Variants in CNTNAP4 observed in about 807,000 individuals in gnomAD.
CNTNAP4 encodes the protein contactin associated protein family member 4.
CNTNAP4 carries 98 observed loss-of-function variants against 148.4 expected under a neutral mutation model. That is an observed-to-expected ratio of 0.66 (90% CI 0.56 to 0.78). The LOEUF (loss-of-function observed/expected upper bound fraction) is 0.78. Among genes scored for constraint, CNTNAP4 ranks in the 30% least tolerant of loss-of-function variants. The pLI is 0.00. For missense variants in CNTNAP4, 1,935 were observed against 1,565.6 expected (o/e 1.24, Z -3.98); for synonymous variants, 730 against 565.1 (o/e 1.29, Z -4.14).
At position 76,448,002 on chromosome 16, in the gene CNTNAP4, T is replaced by C. The variant is rs1309923895; in HGVS notation, c.539-10T>C. 1.9e-6 allele frequency: 3 copies of C among 1,599,368 alleles called. No homozygotes were observed. The highest frequency in any genetic ancestry group is 2.6e-6 in the Non-Finnish European group (3 of 1,167,992). On this transcript the variant is annotated splice_polypyrimidine_tract_variant and intron_variant, in intron 4 of 23. Transcript: ENST00000611870. The stretch of plus-strand genomic sequence containing the variant: ...ATCCTTAGAATGCCTTCTACTATCT[T>C]TGTTTCTAGGATCAGAAGTGGTTGA...
chr16:76,309,930 TC>T, intron 1 of CNTNAP4: 1 of 701,670 alleles, frequency 1.4e-6, no homozygotes, highest in Non-Finnish European at 2.6e-6. Context: ...AGTCTCTTTT[TC>T]TTCCCCGTCT....
intron 2 of CNTNAP4, among the ~76,000 whole-genome samples, chr16:76,336,603 A>G (rs1429313065): frequency 6.6e-6 from 1 of 152,216 alleles, no homozygotes; most frequent in East Asian, 1.9e-4. Context: ...GGACTTCATT[A>G]TTTGTTGCTT....
intron 1 of CNTNAP4, among the ~76,000 whole-genome samples, chr16:76,286,470 G>C (rs573007305): frequency 1.3e-5 from 2 of 151,928 alleles, no homozygotes; most frequent in African/African-American, 4.8e-5. Flanking sequence ...ACCCTTTTGC[G>C]ATCTCAAAGA....
At chr16:76,466,100 T>A (rs1219352010) in intron 9 of CNTNAP4, among the ~76,000 whole-genome samples, 2 of 152,162 alleles carry the variant, frequency 1.3e-5, no homozygotes, top group Non-Finnish European at 2.9e-5. Context: ...ATTAAAAAAA[T>A]AATAACCACC....
intron 12 of CNTNAP4, among the ~76,000 whole-genome samples, chr16:76,487,384 C>A (rs1379836167): frequency 6.6e-6 from 1 of 152,190 alleles, no homozygotes; most frequent in African/African-American, 2.4e-5. Flanking sequence ...ATAGAGCTTA[C>A]AGACTGGTAG....
chr16:76,282,010 C>T (rs746632764), intron 1 of CNTNAP4, among the ~76,000 whole-genome samples: 20 of 151,688 alleles, frequency 1.3e-4, no homozygotes, highest in Non-Finnish European at 1.0e-4. Flanking sequence ...TACTCTCTGG[C>T]ACTTTATATA....
At chr16:76,512,500 C>T (rs1405259610) in intron 15 of CNTNAP4, among the ~76,000 whole-genome samples, 1 of 152,080 alleles carries the variant, frequency 6.6e-6, no homozygotes, top group African/African-American at 2.4e-5. Context: ...GGTGTTTGAT[C>T]TAATCAATTA....
intron 8 of CNTNAP4, among the ~76,000 whole-genome samples, chr16:76,457,283 T>G (rs1012713217): frequency 7.0e-4 from 107 of 152,288 alleles, no homozygotes; most frequent in African/African-American, 2.5e-3. Flanking sequence ...TGAAATGAGT[T>G]AAAGGGACAT....
At chr16:76,541,546 G>A (rs2084455571) in intron 21 of CNTNAP4, among the ~76,000 whole-genome samples, 1 of 152,038 alleles carries the variant, frequency 6.6e-6, no homozygotes. Context: ...TTCCTACTCT[G>A]GTATTTGACA....
intron 3 of CNTNAP4, among the ~76,000 whole-genome samples, chr16:76,355,912 G>A (rs1328503267): frequency 2.0e-5 from 3 of 151,240 alleles, no homozygotes. Context: ...GTCTCACTCT[G>A]TCACCCAGGC....
chr16:76,330,002 C>T (rs755720114), intron 2 of CNTNAP4, among the ~76,000 whole-genome samples: 8 of 152,190 alleles, frequency 5.3e-5, no homozygotes, highest in Non-Finnish European at 1.2e-4. Flanking sequence ...GCTGTGCAGA[C>T]ACTTCCCACA....
rs552539222 is a variant in CNTNAP4, at chr16:76,556,379, A to G, written c.3734-2111A>G. 1.1e-4 allele frequency among the ~76,000 whole-genome samples: 16 copies of G among 152,304 alleles called. 1 individual carries two copies. The South Asian group carries it at 3.3e-3, about 32-fold the overall frequency. ...TATTTTTTATTTTTATATTTTTGGTATAACACGTGTGATCAAAGTTTTTCT... is the reference window on the plus strand; with the variant it reads ...TATTTTTTATTTTTATATTTTTGGTGTAACACGTGTGATCAAAGTTTTTCT... On this transcript the variant is annotated intron_variant, in intron 23 of 23. Coordinates refer to ENST00000611870, the MANE Select transcript of CNTNAP4 (RefSeq NM_033401.5).
intron 7 of CNTNAP4, among the ~76,000 whole-genome samples, chr16:76,451,498 T>C (rs1245438363): frequency 1.3e-5 from 2 of 152,136 alleles, no homozygotes; most frequent in Non-Finnish European, 2.9e-5. Flanking sequence ...ATTATGTGAA[T>C]TGGTGGTATT....
chr16:76,481,803 C>A (rs1312837449), intron 12 of CNTNAP4, among the ~76,000 whole-genome samples: 1 of 152,070 alleles, frequency 6.6e-6, no homozygotes, highest in Non-Finnish European at 1.5e-5. Flanking sequence ...AGTTCTGAGA[C>A]AGATGATCTT....
intron 3 of CNTNAP4, among the ~76,000 whole-genome samples, chr16:76,371,853 C>T (rs2014860092): frequency 6.6e-6 from 1 of 152,194 alleles, no homozygotes; most frequent in African/African-American, 2.4e-5. Flanking sequence ...GGCATGTCTG[C>T]CAAACAAGCT....
chr16:76,375,669 G>C (rs1381752284), intron 3 of CNTNAP4, among the ~76,000 whole-genome samples: 1 of 152,134 alleles, frequency 6.6e-6, no homozygotes, highest in African/African-American at 2.4e-5. Flanking sequence ...AATGTGAGTA[G>C]ATCTAATAAT....
At chr16:76,381,973 G>A (rs2016018248) in intron 3 of CNTNAP4, among the ~76,000 whole-genome samples, 1 of 148,234 alleles carries the variant, frequency 6.7e-6, no homozygotes, top group Non-Finnish European at 1.5e-5. Flanking sequence ...GCAGGAGAAT[G>A]GCAGGTGAAC....
At position 76,553,440 on chromosome 16, in the gene CNTNAP4, C is replaced by G. The variant is rs903692967; in HGVS notation, c.3600C>G (p.Ser1200=). 2 of 1,612,642 alleles carry G rather than the reference C, an allele frequency of 1.2e-6. No homozygotes were observed. The highest frequency in any genetic ancestry group is 1.7e-6 in the Non-Finnish European group (2 of 1,179,390). The change falls in exon 22 of 24, where the codon TCC becomes TCG. Residue 1200 remains serine (S), a synonymous_variant. Coordinates refer to ENST00000611870, the MANE Select transcript of CNTNAP4 (RefSeq NM_033401.5). ...PVTVTGHVTE[S]SCMAQPGTDA... ...CTGTTACAGGACACGTGACTGAGTC[C>G]AGCTGTATGGCCCAGCCTGGCACTG... is the stretch of plus-strand genomic sequence containing the variant.
intron 3 of CNTNAP4, among the ~76,000 whole-genome samples, chr16:76,408,434 A>G (rs569802931): frequency 1.2e-4 from 16 of 137,474 alleles, no homozygotes; most frequent in Middle Eastern, 6.8e-3. Context: ...CACATTCACT[A>G]GATACACACA....
Sources: gnomAD v4.1 joint callset for allele counts (sites outside exome capture counted in the v4.1 genomes callset) on GRCh38, gnomAD v4.1.1 for gene constraint, MANE v1.5 for transcripts, NCBI Gene and HGNC (gene_info 2026-07-23, HGNC 2026-07-21) for gene names.